ZSCAN18: variants seen among roughly 807,000 people sequenced by gnomAD.
ZSCAN18 encodes the protein zinc finger and SCAN domain-containing protein 18.
ZSCAN18 carries 16 observed loss-of-function variants against 31.1 expected under a neutral mutation model. That is an observed-to-expected ratio of 0.51 (90% CI 0.35 to 0.78). The LOEUF (loss-of-function observed/expected upper bound fraction) is 0.78. ZSCAN18 is among the 30% of genes least tolerant of loss of function. The pLI is 0.01. For synonymous variants in ZSCAN18, 375 were observed against 320.7 expected, an observed-to-expected ratio of 1.17 and a Z score of -1.81; for missense variants, 731 against 697.4, an observed-to-expected ratio of 1.05 and a Z score of -0.54.
intron 1 of ZSCAN18, among the ~76,000 whole-genome samples, chr19:58,096,999 C>T (rs768132567): frequency 9.2e-5 from 14 of 152,242 alleles, no homozygotes; most frequent in Middle Eastern, 3.4e-3. Context: ...GTCACAGATT[C>T]AAGCATCATG....
At chr19:58,118,366 C>T (rs974248781) in exon 1 of ZSCAN18, 52 of 1,533,780 alleles carry the variant, frequency 3.4e-5, no homozygotes, top group African/African-American at 5.6e-5. Flanking sequence ...GCCGTAGCGT[C>T]CTCGTCAGCT....
At chr19:58,101,101 C>A (rs1215686531), upstream of ZSCAN18, among the ~76,000 whole-genome samples, 4 of 150,572 alleles carry the variant, frequency 2.7e-5, no homozygotes, top group African/African-American at 9.8e-5. Context: ...AGAGTAACAA[C>A]ATCAGGTGCA....
intron 1 of ZSCAN18, chr19:58,108,529 A>AT: frequency 1.0e-6 from 1 of 985,972 alleles, no homozygotes. Context: ...TCCTGTGTGG[A>AT]TTTTTTGATG....
chr19:58,104,036 C>T (rs1208688728), intron 1 of ZSCAN18, among the ~76,000 whole-genome samples: 2 of 152,190 alleles, frequency 1.3e-5, no homozygotes, highest in Non-Finnish European at 2.9e-5. Context: ...AAGGTCCTGA[C>T]TCTCTTCATT....
rs1242834010 is a variant in ZSCAN18, at chr19:58,090,816, C to G, written c.-119-430G>C. On this transcript the variant is annotated intron_variant, in intron 1 of 6. Transcript: ENST00000601144. This position sits in a 1 kb window ranked among gnomAD's most constrained non-coding sequence, Gnocchi z 4.7. ...TGTTGGCCAGGCTGGTCTCAAACTC[C>G]TGACCTCAAATGGTCCACCCGCCTC... Among the ~76,000 whole-genome samples, 2 of 151,320 alleles carry G rather than the reference C, an allele frequency of 1.3e-5. No homozygotes were observed. The highest frequency in any genetic ancestry group is 2.9e-5 in the Non-Finnish European group (2 of 67,854).
At chr19:58,118,270 C>T (rs1399902476) in exon 1 of ZSCAN18, 4 of 1,461,090 alleles carry the variant, frequency 2.7e-6, no homozygotes, top group Non-Finnish European at 3.7e-6. Flanking sequence ...ACCCCACCCT[C>T]ACTAGGCCTT....
chr19:58,099,654 T>C (rs962709590), upstream of ZSCAN18, among the ~76,000 whole-genome samples: 2 of 152,230 alleles, frequency 1.3e-5, no homozygotes, highest in African/African-American at 4.8e-5. Flanking sequence ...CTTATTAGTG[T>C]TGTAAGAAGC....
At position 58,086,887 on chromosome 19, in the gene ZSCAN18, C is replaced by T. The variant is rs1362207067; in HGVS notation, c.745+19G>A. On this transcript the variant is annotated intron_variant, in intron 5 of 6. Coordinates refer to ENST00000601144, the MANE Select transcript of ZSCAN18 (RefSeq NM_001145543.2). ...GGGGATGGGGAGTGGGGCGTGACCC[C>T]GAGGCAGGCGACTCTCACCCCACAG... is the stretch of plus-strand genomic sequence containing the variant. 6.2e-6 allele frequency: 10 copies of T among 1,603,982 alleles called. No homozygotes were observed. The Admixed American group carries it at 6.7e-5, about 11-fold the overall frequency.
chr19:58,090,398 A>C lies in ZSCAN18; in HGVS notation c.-119-12T>G. 1 of 1,526,612 alleles carries C rather than the reference A, an allele frequency of 6.6e-7. No individual in the cohort carries two copies. Among genetic ancestry groups the C allele is most frequent in the Non-Finnish European group, 8.8e-7 (1 of 1,133,180 alleles). The allele number at this position is 1,526,612 out of a possible 1,614,324, so 94.6% of individuals were successfully genotyped here. A position where few individuals can be genotyped will look rare whatever the true frequency, so the allele number is the denominator to read the frequency against. ...CAGAACCCACAGACCTGCAGAGGAC[A>C]CGGACAAGGCAATGGCCTTGCATAA... On this transcript the variant is annotated splice_polypyrimidine_tract_variant and intron_variant, in intron 1 of 6. Coordinates refer to ENST00000601144, the MANE Select transcript of ZSCAN18 (RefSeq NM_001145543.2). The surrounding 1 kb of genome is among the most constrained non-coding windows in gnomAD (Gnocchi z 4.7).
At chr19:58,088,006 C>T (rs958162845) in intron 3 of ZSCAN18, 2 of 153,368 alleles carry the variant, frequency 1.3e-5, no homozygotes, top group African/African-American at 2.4e-5. Flanking sequence ...GGGCACCTTC[C>T]GTGCTGGTAA....
rs1409566418 is a variant in ZSCAN18, at chr19:58,083,971, T to C, written c.*714A>G. ...CAACCAGTTCTCACATTTAGATGTA[T>C]GGGTGAAAAGTTTCACAAAACAGTA... is the stretch of plus-strand genomic sequence containing the variant. On this transcript the variant is annotated 3_prime_UTR_variant, in exon 7 of 7. Coordinates refer to ENST00000601144, the MANE Select transcript of ZSCAN18 (RefSeq NM_001145543.2). 6.6e-6 allele frequency: 1 copy of C among 152,272 alleles called. No individual in the cohort carries two copies. Among genetic ancestry groups the C allele is most frequent in the Non-Finnish European group, 1.5e-5 (1 of 68,052 alleles). The allele number at this position is 152,272 out of a possible 1,614,324, so 9.4% of individuals were successfully genotyped here.
At chr19:58,103,066 G>C (rs1436506412), upstream of ZSCAN18, among the ~76,000 whole-genome samples, 1 of 151,672 alleles carries the variant, frequency 6.6e-6, no homozygotes, top group Non-Finnish European at 1.5e-5. Flanking sequence ...AGGCTACAGT[G>C]AGCCAAGATA....
At chr19:58,118,420 G>T, upstream of ZSCAN18, 1 of 1,471,838 alleles carries the variant, frequency 6.8e-7, no homozygotes, top group Non-Finnish European at 9.1e-7. Context: ...TCCCGGATGC[G>T]ATATTCCGGT....
chr19:58,109,920 G>A (rs1018239060), intron 1 of ZSCAN18, among the ~76,000 whole-genome samples: 1 of 152,130 alleles, frequency 6.6e-6, no homozygotes, highest in African/African-American at 2.4e-5. Flanking sequence ...TAGATATTAT[G>A]ATTTTTAAAA....
At chr19:58,111,857 C>T (rs1208805907) in intron 1 of ZSCAN18, among the ~76,000 whole-genome samples, 1 of 152,150 alleles carries the variant, frequency 6.6e-6, no homozygotes, top group Non-Finnish European at 1.5e-5. Context: ...GGATTACACA[C>T]CACGAGCAAG....
chr19:58,094,877 C>CAAAAA (rs56377325), intron 1 of ZSCAN18, among the ~76,000 whole-genome samples: 1 of 35,282 alleles, frequency 2.8e-5, no homozygotes. Flanking sequence ...GACCCTGTCG[C>CAAAAA]AAAAAAAAAA....
intron 6 of ZSCAN18, chr19:58,085,765 G>T (rs1056414115): frequency 3.2e-6 from 1 of 314,656 alleles, no homozygotes; most frequent in Non-Finnish European, 5.9e-6. Flanking sequence ...GGCTGCCAGC[G>T]AAGAGAGTGG....
intron 1 of ZSCAN18, among the ~76,000 whole-genome samples, chr19:58,106,863 C>G (rs912084455): frequency 3.3e-5 from 5 of 151,796 alleles, no homozygotes; most frequent in African/African-American, 1.2e-4. Context: ...CAGCTTCAGG[C>G]AATTCTCCTG....
Position 58,085,066 on chromosome 19 carries a change from G to C in ZSCAN18, c.1152C>G (p.Gly384=). 4 of 1,600,896 alleles carry C rather than the reference G, an allele frequency of 2.5e-6. No homozygotes were observed. Among genetic ancestry groups the C allele is most frequent in the Non-Finnish European group, 3.4e-6 (4 of 1,172,676 alleles). The change falls in exon 7 of 7, where the codon GGC becomes GGG. Residue 384 remains glycine (G), a synonymous_variant. Transcript: ENST00000601144. Reference sequence around the variant, plus strand: ...CTGCGCTGTCGCCGGAGCTAGAGACGCCCTCGAGGCTCTGCCCGTCCCCAT... The same window carrying C: ...CTGCGCTGTCGCCGGAGCTAGAGACCCCCTCGAGGCTCTGCCCGTCCCCAT... ...PEDGDGQSLE[G]VSSSGDSAGL... is the part of the protein sequence containing the mutation.
Sources: allele counts gnomAD v4.1 joint callset (sites outside exome capture counted in the v4.1 genomes callset), GRCh38; gene constraint gnomAD v4.1.1; non-coding constraint Gnocchi (gnomAD v3.1); transcripts MANE v1.5; gene names NCBI Gene and HGNC (gene_info 2026-07-23, HGNC 2026-07-21).